The following STOX1 variants were observed in gnomAD, a reference collection of about 807,000 sequenced individuals.
STOX1 encodes the protein storkhead-box protein 1.
In STOX1, 57 loss-of-function variants were observed where a neutral mutation model predicts 74.8. The observed-to-expected ratio is 0.76, with a 90% CI of 0.62 to 0.95. STOX1 has a LOEUF of 0.95. Among genes scored for constraint, STOX1 ranks in the 40% least tolerant of loss-of-function variants. The pLI is 0.00. For missense variants in STOX1, 1,010 were observed against 1,117.0 expected (o/e 0.90, Z 1.37); for synonymous variants, 375 against 401.3 (o/e 0.93, Z 0.78).
At chr10:68,875,824 G>A (rs1387206090) in intron 1 of STOX1, among the ~76,000 whole-genome samples, 4 of 152,082 alleles carry the variant, frequency 2.6e-5, no homozygotes, top group Non-Finnish European at 4.4e-5. Flanking sequence ...GATTGCTTGG[G>A]GTTGTATGAA....
At chr10:68,862,806 C>T (rs760217221) in intron 1 of STOX1, among the ~76,000 whole-genome samples, 2 of 152,096 alleles carry the variant, frequency 1.3e-5, no homozygotes, top group Non-Finnish European at 2.9e-5. Context: ...CCATAGGAAT[C>T]GTTGTGCAGC....
chr10:68,886,569 G>C lies in STOX1; in HGVS notation c.2773G>C (p.Gly925Arg), dbSNP rs764890930. ...DVQYEHSHLE[G>R]TENHSMAGDS... is the part of the protein sequence containing the mutation. ...CCAATATGAACACAGTCACTTGGAA[G>C]GGACAGAAAATCACAGCATGGCAGG... Residue 925 changes from glycine (G) to arginine (R), a missense_variant, in exon 3 of 4, where the codon GGG (glycine) becomes CGG (arginine). Coordinates refer to ENST00000298596, the MANE Select transcript of STOX1 (RefSeq NM_152709.5). 6.2e-7 allele frequency: 1 copy of C among 1,614,164 alleles called. No homozygotes were observed. The highest frequency in any genetic ancestry group is 1.1e-5 in the South Asian group (1 of 91,072).
intron 1 of STOX1, among the ~76,000 whole-genome samples, chr10:68,856,577 C>T (rs975135316): frequency 2.0e-4 from 30 of 152,192 alleles, no homozygotes; most frequent in South Asian, 4.1e-4. Context: ...GGGACTAGTG[C>T]AGTACCTCCT....
chr10:68,884,372 C>T lies in STOX1; in HGVS notation c.576C>T (p.Tyr192=). 2 of 1,614,166 alleles carry T rather than the reference C, an allele frequency of 1.2e-6. No homozygotes were observed. Among genetic ancestry groups the T allele is most frequent in the Non-Finnish European group, 1.7e-6 (2 of 1,180,044 alleles). ...EGYFIVTPQT[Y]FITNTTTQEN... ...ACTTCATAGTTACTCCTCAGACTTACTTCATTACAAATACAACCACCCAGG... is the reference window on the plus strand; with the variant it reads ...ACTTCATAGTTACTCCTCAGACTTATTTCATTACAAATACAACCACCCAGG... The change falls in exon 3 of 4, where the codon TAC becomes TAT. Residue 192 remains tyrosine, a synonymous_variant. Coordinates refer to ENST00000298596, the MANE Select transcript of STOX1 (RefSeq NM_152709.5).
intron 1 of STOX1, among the ~76,000 whole-genome samples, chr10:68,873,781 GC>G (rs1489155525): frequency 7.3e-5 from 11 of 149,976 alleles, no homozygotes; most frequent in Admixed American, 6.0e-4. Flanking sequence ...CTCTTTAGTA[GC>G]TGGGATTACA....
intron 1 of STOX1, among the ~76,000 whole-genome samples, chr10:68,844,660 A>G (rs1839789142): frequency 6.6e-6 from 1 of 152,114 alleles, no homozygotes; most frequent in Admixed American, 6.5e-5. Flanking sequence ...TTTTTTCCTT[A>G]TTAAATTGTA....
intron 1 of STOX1, chr10:68,828,996 G>C (rs1839338723): frequency 3.0e-6 from 3 of 985,414 alleles, no homozygotes; most frequent in Non-Finnish European, 3.6e-6. Context: ...ACCCAGGCAG[G>C]TGTGTCAGCT....
At chr10:68,890,192 GT>G (rs1478411993) in intron 3 of STOX1, among the ~76,000 whole-genome samples, 2 of 151,492 alleles carry the variant, frequency 1.3e-5, no homozygotes, top group East Asian at 3.9e-4. Context: ...AAGAGACAAG[GT>G]CTCACACTGT....
chr10:68,886,772 C>T (rs772156675), intron 3 of STOX1, among the ~76,000 whole-genome samples, 154 bp downstream of exon 3: 1 of 151,876 alleles, frequency 6.6e-6, no homozygotes, highest in South Asian at 2.1e-4. Flanking sequence ...ACTAAAAATA[C>T]AACCAGGTGT....
intron 1 of STOX1, among the ~76,000 whole-genome samples, chr10:68,872,111 C>T (rs1165131837): frequency 6.6e-6 from 1 of 152,020 alleles, no homozygotes; most frequent in East Asian, 1.9e-4. Flanking sequence ...TGATTCAATA[C>T]AGGCGCCCAG....
intron 3 of STOX1, among the ~76,000 whole-genome samples, chr10:68,889,569 T>G (rs1841050445): frequency 2.0e-5 from 3 of 152,238 alleles, no homozygotes; most frequent in Admixed American, 6.5e-5. Context: ...GTTTGTTTGC[T>G]TATTTGTTTT....
intron 1 of STOX1, among the ~76,000 whole-genome samples, chr10:68,864,758 T>C (rs1014582501): frequency 9.2e-5 from 14 of 152,226 alleles, no homozygotes; most frequent in Non-Finnish European, 1.6e-4. Flanking sequence ...TTCAATTAGC[T>C]GCAGCTCTGC....
chr10:68,870,552 G>A (rs1840513019), intron 1 of STOX1, among the ~76,000 whole-genome samples: 1 of 152,196 alleles, frequency 6.6e-6, no homozygotes, highest in South Asian at 2.1e-4. Context: ...CTTTTCAGGT[G>A]TAATTAGGTT....
At chr10:68,851,993 G>C (rs189761147) in intron 1 of STOX1, among the ~76,000 whole-genome samples, 236 of 152,172 alleles carry the variant, frequency 1.6e-3, no homozygotes, top group African/African-American at 5.0e-3. Flanking sequence ...AATTAGCCAG[G>C]CGTGGTGGTG....
In STOX1 at chr10:68,885,334, T is replaced by G; in HGVS notation, c.1538T>G (p.Ile513Ser). The change falls in exon 3 of 4, where the codon ATT becomes AGT. Residue 513 changes from isoleucine to serine, a missense_variant. Physicochemically the swap from Ile to Ser is moderately radical, Grantham distance 142. Transcript: ENST00000298596. ...AGCACAATATCCAAAGGGCACAAAA[T>G]TCAGAAGACGAGTGATCTGAAACCC... is the stretch of plus-strand genomic sequence containing the variant. ...RGSTISKGHK[I>S]QKTSDLKPSQ... 1 of 1,614,124 alleles carries G rather than the reference T, an allele frequency of 6.2e-7. No individual in the cohort carries two copies. The highest frequency in any genetic ancestry group is 1.1e-5 in the South Asian group (1 of 91,078).
intron 1 of STOX1, among the ~76,000 whole-genome samples, chr10:68,860,423 A>AT (rs1728483891): frequency 6.6e-6 from 1 of 151,454 alleles, no homozygotes; most frequent in Admixed American, 6.6e-5. Context: ...AATACAAAAA[A>AT]TTAGCCAGGC....
chr10:68,879,556 T>G (rs1248527005), intron 1 of STOX1, among the ~76,000 whole-genome samples: 1 of 152,192 alleles, frequency 6.6e-6, no homozygotes, highest in African/African-American at 2.4e-5. Context: ...GTCCACCATC[T>G]CCACTAAGCC....
intron 1 of STOX1, among the ~76,000 whole-genome samples, chr10:68,848,839 A>T (rs2490167): frequency 0.12 from 18,096 of 152,004 alleles, 1,370 homozygotes; most frequent in African/African-American, 0.21. Flanking sequence ...TAATTTTTTA[A>T]AAAATTTTCC....
rs41278530 is a variant in STOX1 at position 68,885,540 on chromosome 10, C to T, written c.1744C>T (p.Leu582Phe). 16,467 of 1,614,176 alleles carry T rather than the reference C, an allele frequency of 0.01. 111 individuals are homozygous for T. Among genetic ancestry groups the T allele is most frequent in the Non-Finnish European group, 0.012 (13,890 of 1,180,026 alleles). ...CATCAATGATGACTTCAGAGGTCACCTCTTCAGTCACCCTCAACAGAGCAT... is the reference window on the plus strand; with the variant it reads ...CATCAATGATGACTTCAGAGGTCACTTCTTCAGTCACCCTCAACAGAGCAT... ...KPINDDFRGH[L>F]FSHPQQSMLQ... The change falls in exon 3 of 4, where the codon CTC (leucine) becomes TTC (phenylalanine). Residue 582 changes from leucine to phenylalanine, a missense_variant. Leu to Phe is a conservative substitution (Grantham distance 22). Transcript: ENST00000298596.
Sources: allele counts gnomAD v4.1 joint callset (sites outside exome capture counted in the v4.1 genomes callset), GRCh38; gene constraint gnomAD v4.1.1; transcripts MANE v1.5; gene names NCBI Gene and HGNC (gene_info 2026-07-23, HGNC 2026-07-21).